Variants in PTPRJ observed in about 807,000 individuals in gnomAD.
PTPRJ encodes the protein receptor-type tyrosine-protein phosphatase eta.
A neutral mutation model predicts 141.3 loss-of-function variants in PTPRJ; 129 were observed. The observed-to-expected ratio is 0.91, with a 90% CI of 0.79 to 1.06. The LOEUF (loss-of-function observed/expected upper bound fraction) is 1.06. Ranked by LOEUF, PTPRJ falls within the 50% of genes least tolerant of loss-of-function variation. The pLI, the probability that PTPRJ is intolerant of heterozygous loss-of-function variation, is 0.00. For missense variants in PTPRJ, 1,601 were observed against 1,679.7 expected (o/e 0.95, Z 0.82); for synonymous variants, 610 against 640.5 (o/e 0.95, Z 0.72).
At chr11:48,080,683 C>T (rs1462738592) in intron 1 of PTPRJ, among the ~76,000 whole-genome samples, 1 of 152,180 alleles carries the variant, frequency 6.6e-6, no homozygotes, top group Non-Finnish European at 1.5e-5. Flanking sequence ...CAAAGATCGG[C>T]AAAGATAGGG....
Position 48,155,855 on chromosome 11 carries a change from T to C in PTPRJ, c.3284T>C (p.Ile1095Thr), listed in dbSNP as rs141098223. The C allele has an allele frequency of 3.1e-6, 5 of 1,606,868 alleles. No individual in the cohort carries two copies. The highest frequency in any genetic ancestry group is 3.4e-6 in the Non-Finnish European group (4 of 1,173,586). The part of the protein sequence containing the change: ...SVQTHSTDDY[I>T]NANYMPGYHS... The stretch of plus-strand genomic sequence containing the variant: ...CAGACCCATTCAACGGATGACTACA[T>C]CAATGCCAACTACATGCCTGTAAGT... The change falls in exon 20 of 25, where the codon ATC (isoleucine) becomes ACC (threonine). Residue 1095 changes from isoleucine (I) to threonine (T), a missense_variant. Physicochemically the swap from Ile to Thr is moderately conservative, Grantham distance 89 (BLOSUM62 -1). Transcript: ENST00000418331.
At chr11:48,139,431 T>C in intron 10 of PTPRJ, 55 bp from the exon 11 acceptor site, 3 of 1,579,788 alleles carry the variant, frequency 1.9e-6, no homozygotes, top group Admixed American at 1.7e-5. Flanking sequence ...CCTATTTCCA[T>C]GTTTGCAAAG....
intron 3 of PTPRJ, 83 bp downstream of exon 3, chr11:48,113,066 C>A: frequency 1.7e-6 from 2 of 1,192,856 alleles, no homozygotes; most frequent in Non-Finnish European, 2.4e-6. Context: ...AAATACTGTT[C>A]TTCTTTTAAT....
At chr11:48,094,746 G>A (rs752698574) in intron 1 of PTPRJ, among the ~76,000 whole-genome samples, 3 of 152,180 alleles carry the variant, frequency 2.0e-5, no homozygotes, top group Non-Finnish European at 4.4e-5. Context: ...TGTTTGGGGC[G>A]CAGAAGTTCT....
intron 1 of PTPRJ, among the ~76,000 whole-genome samples, chr11:48,090,171 C>T (rs73466857): frequency 6.6e-6 from 1 of 152,292 alleles, no homozygotes; most frequent in South Asian, 2.1e-4. Flanking sequence ...CCCTCGAGGG[C>T]AGACACAGCA....
chr11:48,140,277 G>A (rs1430166165), intron 11 of PTPRJ, among the ~76,000 whole-genome samples: 4 of 152,138 alleles, frequency 2.6e-5, no homozygotes, highest in Non-Finnish European at 5.9e-5. Context: ...TGATCCACCC[G>A]CCTTGGCCTC....
At chr11:48,115,446 C>A (rs941180802) in intron 3 of PTPRJ, among the ~76,000 whole-genome samples, 5 of 152,170 alleles carry the variant, frequency 3.3e-5, no homozygotes, top group Non-Finnish European at 7.3e-5. Flanking sequence ...TTGCTATACC[C>A]AGCAGAACTG....
chr11:48,068,856 A>G (rs186221608), intron 1 of PTPRJ, among the ~76,000 whole-genome samples: 212 of 152,304 alleles, frequency 1.4e-3, no homozygotes, highest in African/African-American at 4.9e-3. Flanking sequence ...TTCTACACTC[A>G]GAGGTCTCTT....
chr11:48,112,649 T>C (rs1190348522), intron 2 of PTPRJ, 98 bp from the exon 3 acceptor site: 1 of 857,490 alleles, frequency 1.2e-6, no homozygotes, highest in Non-Finnish European at 1.9e-6. Context: ...TTTTTCCAAG[T>C]GTGCATTTCA....
chr11:48,084,459 C>T (rs1855643484), intron 1 of PTPRJ, among the ~76,000 whole-genome samples: 1 of 152,210 alleles, frequency 6.6e-6, no homozygotes, highest in East Asian at 1.9e-4. Flanking sequence ...GCTGGGATTA[C>T]AGGCATGGCA....
intron 19 of PTPRJ, 27 bp downstream of exon 19, chr11:48,153,913 C>T: frequency 6.7e-7 from 1 of 1,493,252 alleles, no homozygotes; most frequent in Admixed American, 1.7e-5. Context: ...ACAGCATCTT[C>T]TCTGTGTTCC....
intron 18 of PTPRJ, among the ~76,000 whole-genome samples, chr11:48,152,164 T>C (rs1191878843): frequency 1.3e-5 from 2 of 152,148 alleles, no homozygotes; most frequent in African/African-American, 4.8e-5. Context: ...TGCTATCTCA[T>C]TGTGGTTTTG....
At chr11:48,028,501 G>T (rs754800747) in intron 1 of PTPRJ, among the ~76,000 whole-genome samples, 16 of 152,160 alleles carry the variant, frequency 1.1e-4, no homozygotes, top group Non-Finnish European at 1.5e-5. Flanking sequence ...CTTAACAAAA[G>T]GTTAAGCTGC....
intron 22 of PTPRJ, 127 bp downstream of exon 22, chr11:48,160,176 T>C (rs780049252): frequency 7.6e-6 from 10 of 1,315,170 alleles, no homozygotes; most frequent in Non-Finnish European, 1.1e-5. Context: ...GCTGCTTTCC[T>C]TTCAGAACAG....
chr11:48,029,442 A>G lies in PTPRJ; in HGVS notation c.96+48434A>G, dbSNP rs112860032. Among the ~76,000 whole-genome samples, 596 of 152,330 alleles carry G rather than the reference A, an allele frequency of 3.9e-3. 5 individuals carry two copies. The highest frequency in any genetic ancestry group is 0.014 in the African/African-American group (566 of 41,578). On this transcript the variant is annotated intron_variant, in intron 1 of 24. Transcript: ENST00000418331. ...GTTCCCTTTTCTCTCTTCCCCTCCC[A>G]ATTCCTTTAACAGGAAGAATGTCTC...
At chr11:48,062,722 G>A (rs564178388) in intron 1 of PTPRJ, among the ~76,000 whole-genome samples, 1 of 152,296 alleles carries the variant, frequency 6.6e-6, no homozygotes, top group East Asian at 1.9e-4. Context: ...TTTGCCCTTG[G>A]ACAGCTTTGT....
At chr11:48,025,496 G>C (rs1472735029) in intron 1 of PTPRJ, among the ~76,000 whole-genome samples, 1 of 152,234 alleles carries the variant, frequency 6.6e-6, no homozygotes, top group Non-Finnish European at 1.5e-5. Context: ...GGTCAGAATA[G>C]GTGGGTGTTA....
rs1386666962 is a variant in PTPRJ at position 48,167,302 on chromosome 11, A to G, written c.3954A>G (p.Thr1318=). ...DLIYQNTTAM[T]IYENLAPVTT... The stretch of plus-strand genomic sequence containing the variant: ...TCTACCAGAACACAACTGCAATGAC[A>G]ATCTATGAAAACCTTGCGCCCGTGA... Residue 1318 remains threonine, a synonymous_variant, in exon 25 of 25, where the codon ACA becomes ACG. Coordinates refer to ENST00000418331, the MANE Select transcript of PTPRJ (RefSeq NM_002843.4). 1 of 1,614,028 alleles carries G rather than the reference A, an allele frequency of 6.2e-7. No individual in the cohort carries two copies. Among genetic ancestry groups the G allele is most frequent in the South Asian group, 1.1e-5 (1 of 91,078 alleles).
intron 1 of PTPRJ, among the ~76,000 whole-genome samples, chr11:48,036,453 G>T (rs1157496618): frequency 6.6e-6 from 1 of 152,130 alleles, no homozygotes; most frequent in African/African-American, 2.4e-5. Flanking sequence ...ACTGGTATCA[G>T]GTTTAAAGTC....
Sources: gnomAD v4.1 joint callset for allele counts (sites outside exome capture counted in the v4.1 genomes callset) on GRCh38, gnomAD v4.1.1 for gene constraint, MANE v1.5 for transcripts, NCBI Gene and HGNC (gene_info 2026-07-23, HGNC 2026-07-21) for gene names.